CLNK: variants seen among roughly 807,000 people sequenced by gnomAD.
CLNK encodes the protein cytokine-dependent hematopoietic cell linker.
CLNK carries 74 observed loss-of-function variants against 68.6 expected under a neutral mutation model. The ratio of observed to expected loss-of-function variants is 1.08; its 90% CI spans 0.89 to 1.31. CLNK has a LOEUF of 1.31. Among genes scored for constraint, CLNK ranks in the 50% most tolerant of loss-of-function variants. The pLI is 0.00. For synonymous variants in CLNK, 198 were observed against 172.2 expected (o/e 1.15, Z -1.17); for missense variants, 553 against 515.3 (o/e 1.07, Z -0.71).
At chr4:10,629,364 C>T (rs1447801313) in intron 2 of CLNK, among the ~76,000 whole-genome samples, 1 of 152,206 alleles carries the variant, frequency 6.6e-6, no homozygotes, top group African/African-American at 2.4e-5. Context: ...CTATTCTTGG[C>T]ACTGACCTGG....
At chr4:10,532,728 A>G (rs1718597841) in intron 11 of CLNK, among the ~76,000 whole-genome samples, 2 of 152,188 alleles carry the variant, frequency 1.3e-5, no homozygotes. Context: ...TGTAAGAGAG[A>G]ATGCTGATAA....
intron 2 of CLNK, among the ~76,000 whole-genome samples, chr4:10,637,631 C>T (rs1166041957): frequency 1.5e-4 from 18 of 120,044 alleles, no homozygotes; most frequent in African/African-American, 5.7e-4. Context: ...GTCTCACTCT[C>T]TTGCCGAGGC....
chr4:10,645,482 T>C (rs61796800), intron 2 of CLNK, among the ~76,000 whole-genome samples: 6,307 of 152,284 alleles, frequency 0.041, 192 homozygotes, highest in Middle Eastern at 0.099. Flanking sequence ...CATGCTTAAA[T>C]AGAAATGACA....
rs1056387896 is a variant in CLNK at position 10,488,958 on chromosome 4, C to T, written c.*1509G>A. ...TGACATCATGATATACTGTTATTTT[C>T]GACAGACAGTATGTTTTTTAAAAAA... On this transcript the variant is annotated 3_prime_UTR_variant, in exon 19 of 19. Transcript: ENST00000226951. 2.0e-5 allele frequency: 3 copies of T among 151,974 alleles called. No individual in the cohort carries two copies. Among genetic ancestry groups the T allele is most frequent in the African/African-American group, 4.8e-5 (2 of 41,372 alleles). 9.4% of individuals were successfully genotyped at this position (151,974 alleles called of 1,614,324 possible).
intron 2 of CLNK, among the ~76,000 whole-genome samples, chr4:10,609,159 G>A (rs539444362): frequency 1.2e-4 from 19 of 152,308 alleles, no homozygotes; most frequent in African/African-American, 4.6e-4. Context: ...AAGCCAATGA[G>A]CAAGGGGCTC....
At chr4:10,708,874 G>A in the CLNK span, among the ~76,000 whole-genome samples, 1 of 152,150 alleles carries the variant, frequency 6.6e-6, no homozygotes, top group East Asian at 1.9e-4. Context: ...AAAAGATCAG[G>A]ATTCAGTTTG....
chr4:10,726,107 C>G, the CLNK span, among the ~76,000 whole-genome samples: 1 of 152,122 alleles, frequency 6.6e-6, no homozygotes, highest in Admixed American at 6.5e-5. Flanking sequence ...TTCTGGCAAT[C>G]TTTGATATCC....
chr4:10,591,662 G>A (rs1002633368), intron 3 of CLNK, among the ~76,000 whole-genome samples: 1 of 152,218 alleles, frequency 6.6e-6, no homozygotes, highest in South Asian at 2.1e-4. Flanking sequence ...GGCCAATGGA[G>A]TGCCTGGCAC....
At chr4:10,728,659 A>G in the CLNK span, among the ~76,000 whole-genome samples, 2 of 140,264 alleles carry the variant, frequency 1.4e-5, no homozygotes, top group Non-Finnish European at 3.0e-5. Flanking sequence ...GCTGGAGTGC[A>G]TTGGCGCCAT....
At chr4:10,569,589 C>A (rs1720262103) in intron 5 of CLNK, among the ~76,000 whole-genome samples, 1 of 152,184 alleles carries the variant, frequency 6.6e-6, no homozygotes, top group Admixed American at 6.5e-5. Context: ...CTAACACAGG[C>A]ACCTATCAAA....
intron 2 of CLNK, among the ~76,000 whole-genome samples, chr4:10,607,981 A>T (rs1721850960): frequency 6.6e-6 from 1 of 152,250 alleles, no homozygotes; most frequent in South Asian, 2.1e-4. Context: ...TGTGTTAAAC[A>T]GAGAGGAATA....
At chr4:10,529,673 C>T (rs978990269) in intron 12 of CLNK, among the ~76,000 whole-genome samples, 4 of 152,184 alleles carry the variant, frequency 2.6e-5, no homozygotes, top group Non-Finnish European at 5.9e-5. Context: ...CCTACTGAGT[C>T]TCCCCCAGGA....
At chr4:10,513,831 A>ATT (rs1560196058) in intron 15 of CLNK, among the ~76,000 whole-genome samples, 1 of 142,276 alleles carries the variant, frequency 7.0e-6, no homozygotes, top group African/African-American at 2.5e-5. Context: ...TTTTTTTTTT[A>ATT]AATTATTATT....
chr4:10,501,927 C>T (rs112955566), intron 17 of CLNK, among the ~76,000 whole-genome samples: 2 of 152,218 alleles, frequency 1.3e-5, no homozygotes, highest in African/African-American at 4.8e-5. Flanking sequence ...ACTCTGGTTC[C>T]AAAACAAAAA....
chr4:10,561,088 A>T (rs1477629855), intron 7 of CLNK, among the ~76,000 whole-genome samples: 2 of 151,190 alleles, frequency 1.3e-5, no homozygotes, highest in African/African-American at 2.4e-5. Flanking sequence ...TTTTTTAGAG[A>T]TGAGATGTTA....
intron 2 of CLNK, among the ~76,000 whole-genome samples, chr4:10,646,483 A>C (rs1300096423): frequency 6.6e-6 from 1 of 152,208 alleles, no homozygotes; most frequent in African/African-American, 2.4e-5. Flanking sequence ...TTTCCAAGAC[A>C]TATTATCAGC....
chr4:10,532,292 A>C lies in CLNK; in HGVS notation c.603-9T>G. 6.2e-7 allele frequency: 1 copy of C among 1,606,424 alleles called. No individual in the cohort carries two copies. Among genetic ancestry groups the C allele is most frequent in the Non-Finnish European group, 8.5e-7 (1 of 1,174,092 alleles). On this transcript the variant is annotated splice_polypyrimidine_tract_variant and intron_variant, in intron 11 of 18. Transcript: ENST00000226951. ...CCCTTAAGCTTATCTGACTGCAAGA[A>C]AAAGAAATACGGTGTTACATAAAAC... is the stretch of plus-strand genomic sequence containing the variant.
chr4:10,490,122 G>T lies in CLNK; in HGVS notation c.*345C>A. 1 of 203,770 alleles carries T rather than the reference G, an allele frequency of 4.9e-6. No individual in the cohort carries two copies. Among genetic ancestry groups the T allele is most frequent in the Non-Finnish European group, 9.8e-6 (1 of 101,764 alleles). 12.6% of individuals were successfully genotyped at this position (203,770 alleles called of 1,614,324 possible). On this transcript the variant is annotated 3_prime_UTR_variant, in exon 19 of 19. Transcript: ENST00000226951. ...TGCAAACATTTAAGCAACAGCTTCTGGTGCCCTTTGCTGCTCGCCTGTATC... is the reference window on the plus strand; with the variant it reads ...TGCAAACATTTAAGCAACAGCTTCTTGTGCCCTTTGCTGCTCGCCTGTATC...
intron 11 of CLNK, among the ~76,000 whole-genome samples, chr4:10,535,211 AAGAGAAAGAAAGAAAGAAAG>A (rs752711329): frequency 3.2e-5 from 2 of 62,634 alleles, no homozygotes; most frequent in African/African-American, 9.9e-5. Context: ...GAAAGAAAGA[AAGAGAAAGAAAGAAAGAAAG>A]AAAGAAAGAA....
Sources: gnomAD v4.1 joint callset for allele counts (sites outside exome capture counted in the v4.1 genomes callset) on GRCh38, gnomAD v4.1.1 for gene constraint, MANE v1.5 for transcripts, NCBI Gene and HGNC (gene_info 2026-07-23, HGNC 2026-07-21) for gene names.